Variants in IL23R observed in about 807,000 individuals in gnomAD.
The protein encoded by IL23R is interleukin 23 receptor.
A neutral mutation model predicts 56.9 loss-of-function variants in IL23R; 34 were observed. That is an observed-to-expected ratio of 0.60 (90% confidence interval 0.45 to 0.80). The LOEUF (loss-of-function observed/expected upper bound fraction) is 0.80, where lower values mean the gene tolerates loss of function less well. Ranked by LOEUF, IL23R falls within the 30% of genes least tolerant of loss-of-function variation. The pLI is 0.00. For synonymous variants in IL23R, 230 were observed against 249.2 expected, an observed-to-expected ratio of 0.92 and a Z score of 0.73; for missense variants, 635 against 730.0, an observed-to-expected ratio of 0.87 and a Z score of 1.50.
chr1:67,215,446 T>G (rs981319260), intron 6 of IL23R, among the ~76,000 whole-genome samples: 1 of 152,144 alleles, frequency 6.6e-6, no homozygotes, highest in Non-Finnish European at 1.5e-5. Context: ...GGCATGTCCT[T>G]ATGGTGATGG....
intron 6 of IL23R, among the ~76,000 whole-genome samples, chr1:67,213,674 G>A (rs2102650752): frequency 6.6e-6 from 1 of 152,280 alleles, no homozygotes; most frequent in Non-Finnish European, 1.5e-5. Context: ...AGAAGCAACA[G>A]GCTATACCAT....
At chr1:67,231,522 A>T (rs1651099395) in intron 7 of IL23R, among the ~76,000 whole-genome samples, 1 of 151,930 alleles carries the variant, frequency 6.6e-6, no homozygotes, top group South Asian at 2.1e-4. Flanking sequence ...CAATTTGCCC[A>T]GGGCCATGGA....
intron 4 of IL23R, among the ~76,000 whole-genome samples, chr1:67,198,076 C>T (rs980474600): frequency 6.6e-6 from 1 of 152,040 alleles, no homozygotes; most frequent in Non-Finnish European, 1.5e-5. Flanking sequence ...GGGGGATATG[C>T]CACACTCTTT....
chr1:67,215,757 GTCT>G (rs1258471877), intron 6 of IL23R, among the ~76,000 whole-genome samples: 1 of 152,194 alleles, frequency 6.6e-6, no homozygotes, highest in African/African-American at 2.4e-5. Context: ...AACCTTGGCA[GTCT>G]TCATCCTACT....
intron 3 of IL23R, among the ~76,000 whole-genome samples, chr1:67,170,840 G>T (rs148676505): frequency 6.6e-6 from 1 of 152,156 alleles, no homozygotes. Context: ...AAAGTAAGAG[G>T]CTTCCTTGCT....
intron 3 of IL23R, among the ~76,000 whole-genome samples, chr1:67,173,540 C>T (rs1283335551): frequency 6.6e-6 from 1 of 152,086 alleles, no homozygotes; most frequent in African/African-American, 2.4e-5. Context: ...ATTTAAGGCT[C>T]AATTAAAACA....
Position 67,207,062 on chromosome 1 carries a change from T to A in IL23R, c.798+7T>A. ...AACAAACCAAACTTGGAATGTAAGCTCAACTTTCATTATGCTTTAGCATGT... is the reference window on the plus strand; with the variant it reads ...AACAAACCAAACTTGGAATGTAAGCACAACTTTCATTATGCTTTAGCATGT... On this transcript the variant is annotated splice_region_variant and intron_variant, in intron 6 of 10. Coordinates refer to ENST00000347310, the MANE Select transcript of IL23R (RefSeq NM_144701.3). 6.2e-7 allele frequency: 1 copy of A among 1,613,872 alleles called. No individual in the cohort carries two copies. Among genetic ancestry groups the A allele is most frequent in the South Asian group, 1.1e-5 (1 of 91,056 alleles).
At chr1:67,178,029 T>G (rs1647034878) in intron 3 of IL23R, among the ~76,000 whole-genome samples, 2 of 151,990 alleles carry the variant, frequency 1.3e-5, no homozygotes, top group Admixed American at 1.3e-4. Context: ...AGCCTTGTAG[T>G]ATAGTTTGAA....
At chr1:67,233,381 G>T (rs1430840476) in intron 7 of IL23R, among the ~76,000 whole-genome samples, 1 of 151,396 alleles carries the variant, frequency 6.6e-6, no homozygotes, top group African/African-American at 2.4e-5. Flanking sequence ...AAAAAATCCG[G>T]TTTTGATTAT....
chr1:67,143,785 G>C (rs1001120325), intron 1 of IL23R, among the ~76,000 whole-genome samples: 1 of 152,196 alleles, frequency 6.6e-6, no homozygotes, highest in Non-Finnish European at 1.5e-5. Context: ...GTGACCTTGA[G>C]AATGGACTGA....
At chr1:67,217,978 A>G (rs1196524152) in intron 6 of IL23R, among the ~76,000 whole-genome samples, 2 of 151,688 alleles carry the variant, frequency 1.3e-5, no homozygotes, top group Non-Finnish European at 2.9e-5. Flanking sequence ...GTTGTTGCAT[A>G]AATGCATTTC....
At chr1:67,149,741 C>T (rs1479466919) in intron 1 of IL23R, among the ~76,000 whole-genome samples, 3 of 151,996 alleles carry the variant, frequency 2.0e-5, no homozygotes, top group Non-Finnish European at 4.4e-5. Context: ...AAATTAAATC[C>T]GTAAGTTGAA....
At chr1:67,176,715 A>G (rs1458128202) in intron 3 of IL23R, among the ~76,000 whole-genome samples, 1 of 152,116 alleles carries the variant, frequency 6.6e-6, no homozygotes, top group East Asian at 1.9e-4. Context: ...TACATGTGCC[A>G]TGTTGGTGTG....
chr1:67,150,312 A>T (rs1412568660), intron 1 of IL23R, among the ~76,000 whole-genome samples: 1 of 126,652 alleles, frequency 7.9e-6, no homozygotes, highest in African/African-American at 3.1e-5. Context: ...GTGCAGGTTC[A>T]TTACATAGGT....
chr1:67,194,295 T>G (rs72927062), intron 4 of IL23R, among the ~76,000 whole-genome samples: 6,928 of 150,842 alleles, frequency 0.046, 527 homozygotes, highest in African/African-American at 0.16. Context: ...GCAAGGGGGT[T>G]GGGGGGACTG....
intron 4 of IL23R, among the ~76,000 whole-genome samples, chr1:67,199,397 T>A (rs1193369222): frequency 6.6e-6 from 1 of 152,158 alleles, no homozygotes; most frequent in Non-Finnish European, 1.5e-5. Context: ...TCACCCTATG[T>A]CCTGATAGAA....
In IL23R at chr1:67,193,352, G is replaced by T. The variant is rs566558289; in HGVS notation, c.492-7385G>T. 9.2e-5 allele frequency among the ~76,000 whole-genome samples: 14 copies of T among 152,292 alleles called. No homozygotes were observed. In the South Asian group the frequency reaches 2.9e-3, roughly 32 times the overall value. On this transcript the variant is annotated intron_variant, in intron 4 of 10. Transcript: ENST00000347310. ...TATATTTATTTGTTTCCACCAAAAT[G>T]TGTGCTTCATGACAGTTGGGACTTT...
At chr1:67,204,391 C>T (rs1648863654) in intron 5 of IL23R, among the ~76,000 whole-genome samples, 2 of 152,278 alleles carry the variant, frequency 1.3e-5, no homozygotes, top group African/African-American at 4.8e-5. Context: ...AAAAATTCAA[C>T]ATCTGAGTCT....
At chr1:67,254,902 CA>C (rs1652855843) in intron 9 of IL23R, among the ~76,000 whole-genome samples, 1 of 152,238 alleles carries the variant, frequency 6.6e-6, no homozygotes, top group Non-Finnish European at 1.5e-5. Context: ...CTTTTCTTTC[CA>C]AAGCCCCACC....
Sources: gnomAD v4.1 joint callset for allele counts (sites outside exome capture counted in the v4.1 genomes callset) on GRCh38, gnomAD v4.1.1 for gene constraint, MANE v1.5 for transcripts, NCBI Gene and HGNC (gene_info 2026-07-23, HGNC 2026-07-21) for gene names.